Variants in NBPF9 observed in about 807,000 individuals in gnomAD.
NBPF9 encodes NBPF member 9.
Under a neutral mutation model 97.8 loss-of-function variants are expected in NBPF9, and 91 were observed. The observed-to-expected ratio is 0.93, with a 90% CI of 0.79 to 1.11. NBPF9 has a LOEUF of 1.11. Ranked by LOEUF, NBPF9 falls within the 50% of genes least tolerant of loss-of-function variation. NBPF9 has a pLI of 0.00. For missense variants in NBPF9, 992 were observed against 939.5 expected (o/e 1.06, Z -0.73); for synonymous variants, 334 against 359.5 (o/e 0.93, Z 0.80).
At chr1:149,070,320 C>CAAAAA (rs3979925) in intron 16 of NBPF9, among the ~76,000 whole-genome samples, 7 of 47,806 alleles carry the variant, frequency 1.5e-4, no homozygotes, top group Non-Finnish European at 2.1e-4. Flanking sequence ...GACTCCATCG[C>CAAAAA]AAAAAAAAAA....
At chr1:149,103,114 G>A (rs1358150167) in intron 1 of NBPF9, among the ~76,000 whole-genome samples, 187 bp downstream of exon 1, 14 of 152,114 alleles carry the variant, frequency 9.2e-5, no homozygotes, top group African/African-American at 2.9e-4. Context: ...GGGCGGCAGC[G>A]GCAAGCGAGG....
chr1:149,061,930 G>C lies in NBPF9; in HGVS notation c.2251+163C>G, dbSNP rs1575824159. 4 of 474,224 alleles carry C rather than the reference G, an allele frequency of 8.4e-6. 2 individuals are homozygous for C. The East Asian group carries it at 1.6e-4, about 19-fold the overall frequency. The allele number at this position is 474,224 out of a possible 1,614,324, so 29.4% of individuals were successfully genotyped here. On this transcript the variant is annotated intron_variant, in intron 22 of 29. Coordinates refer to ENST00000584027, the Ensembl canonical transcript of NBPF9. ...GCTCACTGACCCATTTCATGTCTAG[G>C]CTTCCAGCTGAGACTACAGTTTCAT... is the stretch of plus-strand genomic sequence containing the variant.
intron 18 of NBPF9, 200 bp from the exon 19 acceptor site, chr1:149,064,682 T>C (rs1243081970): frequency 2.0e-5 from 12 of 610,186 alleles, no homozygotes; most frequent in Non-Finnish European, 3.2e-5. Flanking sequence ...TTGGGCAAAA[T>C]TCCCCTGTGT....
intron 13 of NBPF9, 59 bp from the exon 14 acceptor site, chr1:149,072,991 T>C: frequency 1.9e-6 from 3 of 1,562,588 alleles, no homozygotes; most frequent in Non-Finnish European, 2.6e-6. Flanking sequence ...TCCGCTCAAA[T>C]ATTGCAACAG....
intron 5 of NBPF9, among the ~76,000 whole-genome samples, chr1:149,082,979 T>G (rs1229521375): frequency 0.12 from 16,005 of 129,610 alleles, 863 homozygotes; most frequent in African/African-American, 0.17. Context: ...TTTTTTTTTT[T>G]TTTGTATTTT....
Position 149,097,074 on chromosome 1 carries a change from AAGGG to A in NBPF9, c.-337+1360_-337+1363del, listed in dbSNP as rs1386713467. On this transcript the variant is annotated intron_variant, in intron 4 of 29. Transcript: ENST00000584027. The stretch of plus-strand genomic sequence containing the variant: ...GAATGGAGGGAGGGAAGGAAGGAGG[AAGGG>A]AGGAAGGAAGGAAGGAAGGAAGGGA... Among the ~76,000 whole-genome samples, 11 of 133,140 alleles carry A rather than the reference AAGGG, an allele frequency of 8.3e-5. 1 individual carries two copies. Among genetic ancestry groups the A allele is most frequent in the Admixed American group, 6.9e-4 (9 of 12,960 alleles). 87.3% of individuals were successfully genotyped at this position (133,140 alleles called of 152,430 possible). A position where few individuals can be genotyped will look rare whatever the true frequency, so the allele number is the denominator to read the frequency against.
intron 5 of NBPF9, among the ~76,000 whole-genome samples, chr1:149,082,923 G>A (rs587635078): frequency 1.4e-5 from 2 of 145,412 alleles, no homozygotes; most frequent in East Asian, 4.1e-4. Context: ...GGGAATACAG[G>A]CGCCCGCCAC....
At chr1:149,085,064 C>T (rs1165684398) in intron 5 of NBPF9, among the ~76,000 whole-genome samples, 2 of 152,032 alleles carry the variant, frequency 1.3e-5, no homozygotes, top group Non-Finnish European at 2.9e-5. Flanking sequence ...GCTTTGCCCA[C>T]CTTTCCTTCA....
At chr1:149,064,712 T>A in intron 18 of NBPF9, 1 of 618,078 alleles carries the variant, frequency 1.6e-6, no homozygotes, top group Non-Finnish European at 2.9e-6. Context: ...ATCTTCCCTA[T>A]GTGCTCTGTC....
chr1:149,102,730 G>A (rs1553245110), exon 2 of NBPF9: 6 of 151,506 alleles, frequency 4.0e-5, no homozygotes, highest in Admixed American at 3.3e-4. Flanking sequence ...CCAACCTACC[G>A]GAAATCCTGC....
exon 9 of NBPF9, chr1:149,079,072 T>A: frequency 7.0e-7 from 1 of 1,438,836 alleles, no homozygotes; most frequent in African/African-American, 1.4e-5. Flanking sequence ...TTCTTGGAGG[T>A]CCTGCCCCTG....
intron 14 of NBPF9, 47 bp from the exon 15 acceptor site, chr1:149,071,723 T>G: frequency 9.6e-7 from 1 of 1,040,728 alleles, no homozygotes; most frequent in South Asian, 1.4e-5. Context: ...CTTCACAGTC[T>G]GCAAGCACAG....
At chr1:149,063,079 C>T (rs2078743425) in intron 20 of NBPF9, among the ~76,000 whole-genome samples, 166 bp from the exon 21 acceptor site, 1 of 138,874 alleles carries the variant, frequency 7.2e-6, no homozygotes, top group African/African-American at 2.9e-5. Context: ...CATAGAGATT[C>T]CTTGGTTTTT....
intron 5 of NBPF9, among the ~76,000 whole-genome samples, chr1:149,088,391 A>C (rs1553659290): frequency 6.6e-6 from 1 of 152,218 alleles, no homozygotes; most frequent in Non-Finnish European, 1.5e-5. Flanking sequence ...TACTTTATTA[A>C]TTTTTCTTAC....
At chr1:149,103,128 C>A (rs587649002) in intron 1 of NBPF9, among the ~76,000 whole-genome samples, 173 bp downstream of exon 1, 1 of 151,920 alleles carries the variant, frequency 6.6e-6, no homozygotes. Context: ...AGCGAGGAAT[C>A]GAACGCATGG....
intron 3 of NBPF9, among the ~76,000 whole-genome samples, chr1:149,100,607 G>A (rs1347193006): frequency 6.6e-6 from 1 of 151,934 alleles, no homozygotes; most frequent in African/African-American, 2.4e-5. Context: ...TCAATAAATG[G>A]TGCTGGATCA....
At chr1:149,095,813 C>A (rs1323077428) in intron 4 of NBPF9, among the ~76,000 whole-genome samples, 1 of 151,862 alleles carries the variant, frequency 6.6e-6, no homozygotes, top group African/African-American at 2.4e-5. Context: ...CAAATGCTGT[C>A]GAAGATGAGG....
chr1:149,086,967 A>G (rs1575866083), intron 5 of NBPF9, among the ~76,000 whole-genome samples: 1 of 152,066 alleles, frequency 6.6e-6, no homozygotes, highest in East Asian at 1.9e-4. Flanking sequence ...AGATTTTCAA[A>G]GGAGCCATAC....
intron 4 of NBPF9, among the ~76,000 whole-genome samples, chr1:149,097,465 G>A (rs1452890701): frequency 6.6e-6 from 1 of 152,198 alleles, no homozygotes; most frequent in Non-Finnish European, 1.5e-5. Context: ...GTGGATCCCA[G>A]AACACCAGGC....
Sources: gnomAD v4.1 joint callset for allele counts (sites outside exome capture counted in the v4.1 genomes callset) on GRCh38, gnomAD v4.1.1 for gene constraint, MANE v1.5 for transcripts, NCBI Gene and HGNC (gene_info 2026-07-23, HGNC 2026-07-21) for gene names.